The following FREM3 variants were observed in gnomAD, a reference collection of about 807,000 sequenced individuals.
The protein encoded by FREM3 is FRAS1 related extracellular matrix 3.
Under a neutral mutation model 129.1 loss-of-function variants are expected in FREM3, and 105 were observed. That is an observed-to-expected ratio of 0.81 (90% CI 0.69 to 0.96). The LOEUF (loss-of-function observed/expected upper bound fraction) is 0.96, where lower values mean the gene tolerates loss of function less well. FREM3 is among the 40% of genes least tolerant of loss of function. The pLI, the probability that FREM3 is intolerant of heterozygous loss-of-function variation, is 0.00. For synonymous variants in FREM3, 1,014 were observed against 1,044.9 expected (o/e 0.97, Z 0.57); for missense variants, 2,593 against 2,666.3 (o/e 0.97, Z 0.61).
chr4:143,579,327 C>T (rs1738094133), intron 7 of FREM3, among the ~76,000 whole-genome samples: 1 of 152,078 alleles, frequency 6.6e-6, no homozygotes. Context: ...GTGGTGAGTG[C>T]CTGTAGTCAC....
chr4:143,598,827 C>T (rs1255350623), intron 6 of FREM3, among the ~76,000 whole-genome samples: 2 of 152,232 alleles, frequency 1.3e-5, no homozygotes, highest in East Asian at 3.9e-4. Context: ...ACATGCTGTA[C>T]AGATGTGTAG....
rs1239868845 is a variant in FREM3 at position 143,699,322 on chromosome 4, A to G, written c.1354T>C (p.Ser452Pro). 5 of 1,537,156 alleles carry G rather than the reference A, an allele frequency of 3.3e-6. No individual in the cohort carries two copies. The highest frequency in any genetic ancestry group is 3.5e-6 in the Non-Finnish European group (4 of 1,146,926). Reference sequence around the variant, plus strand: ...CTGATAGGAATGCTGTGGGTGCTGGACAAGGGCCTTGACTGACCTTCAAAA... The same window carrying G: ...CTGATAGGAATGCTGTGGGTGCTGGGCAAGGGCCTTGACTGACCTTCAAAA... ...VLFEGQSRPLSSTHSIPISDK... is the reference protein window; with the variant it reads ...VLFEGQSRPLPSTHSIPISDK... Residue 452 changes from serine to proline, a missense_variant, in exon 1 of 8, where the codon TCC becomes CCC. By Grantham distance (74) the Ser-to-Pro change is moderately conservative (BLOSUM62 -1). Around this residue, in one of 2 missense-constraint regions of FREM3, gnomAD observed 2,276 missense variants for 2,267.2 expected, o/e 1.00. Transcript: ENST00000329798. This position sits in a 1 kb window ranked among gnomAD's most constrained non-coding sequence, Gnocchi z 4.2.
rs189166692 is a variant in FREM3 at position 143,678,323 on chromosome 4, T to C, written c.5275+14790A>G. 4.6e-5 allele frequency among the ~76,000 whole-genome samples: 7 copies of C among 151,612 alleles called. No individual in the cohort carries two copies. The East Asian group carries it at 1.2e-3, about 25-fold the overall frequency. ...ACCAAACACCGCATGTTCTCACTCA[T>C]AGATGGGAATTGAACAATGAGAACA... On this transcript the variant is annotated intron_variant, in intron 2 of 7. Transcript: ENST00000329798.
intron 2 of FREM3, among the ~76,000 whole-genome samples, chr4:143,635,045 G>A (rs1367328694): frequency 6.6e-6 from 1 of 152,134 alleles, no homozygotes; most frequent in Non-Finnish European, 1.5e-5. Context: ...ATAAATAAGA[G>A]TGCAGATTCT....
intron 2 of FREM3, among the ~76,000 whole-genome samples, chr4:143,651,790 C>G (rs1015864904): frequency 6.6e-6 from 1 of 152,142 alleles, no homozygotes. Flanking sequence ...GTCATTTATA[C>G]TTCTTAACAG....
At position 143,627,714 on chromosome 4, in the gene FREM3, C is replaced by G; in HGVS notation, c.5322G>C (p.Trp1774Cys). The G allele has an allele frequency of 6.5e-7, 1 of 1,535,674 alleles. No homozygotes were observed. The change falls in exon 3 of 8, where the codon TGG becomes TGC. Residue 1774 changes from tryptophan (W) to cysteine (C), a missense_variant. Trp to Cys is a radical substitution (Grantham distance 215). Coordinates refer to ENST00000329798, the MANE Select transcript of FREM3 (RefSeq NM_001168235.2). The stretch of plus-strand genomic sequence containing the variant: ...TGTAGTACTCTTTCTCCAAACAAAT[C>G]CAAGCCCAGTTTAGATGGAAAGGCT... Reference protein sequence around the residue: ...TNQPFHLNWAWICLEKEYYIV... With the variant: ...TNQPFHLNWACICLEKEYYIV...
chr4:143,601,035 A>C (rs1188466561), intron 6 of FREM3, among the ~76,000 whole-genome samples: 1 of 151,934 alleles, frequency 6.6e-6, no homozygotes, highest in Non-Finnish European at 1.5e-5. Flanking sequence ...AAACTAAAAA[A>C]TAAGATCCAA....
At chr4:143,682,586 C>CTT in intron 2 of FREM3, among the ~76,000 whole-genome samples, 1 of 152,290 alleles carries the variant, frequency 6.6e-6, no homozygotes, top group African/African-American at 2.4e-5. Flanking sequence ...TAAATCCCTG[C>CTT]TTTTGTTCTT....
At chr4:143,580,232 T>C (rs914276919) in intron 7 of FREM3, among the ~76,000 whole-genome samples, 1 of 151,500 alleles carries the variant, frequency 6.6e-6, no homozygotes, top group Non-Finnish European at 1.5e-5. Flanking sequence ...GGTGGACAGG[T>C]TGAGATTCAT....
At chr4:143,593,336 C>G (rs1738401341) in intron 6 of FREM3, among the ~76,000 whole-genome samples, 1 of 152,174 alleles carries the variant, frequency 6.6e-6, no homozygotes, top group Non-Finnish European at 1.5e-5. Context: ...TCTGGTTTTT[C>G]TGCTCTGTTT....
rs1043830264 is a variant in FREM3, at chr4:143,698,452, A to G, written c.2224T>C (p.Tyr742His). 3.9e-6 allele frequency: 6 copies of G among 1,537,698 alleles called. No homozygotes were observed. The highest frequency in any genetic ancestry group is 2.7e-5 in the African/African-American group (2 of 73,006). ...TCAGTCGGGAGTGTCAGTAGGGTGT[A>G]CCATAGGTTCTGGTCATCAGAGTCC... ...DQDSDDQNLW[Y>H]TLLTLPTDTD... The change falls in exon 1 of 8, where the codon TAC becomes CAC. Residue 742 changes from tyrosine to histidine, a missense_variant. Tyr to His is a moderately conservative substitution (Grantham distance 83). Transcript: ENST00000329798.
chr4:143,698,961 A>G lies in FREM3; in HGVS notation c.1715T>C (p.Ile572Thr), dbSNP rs554429148. 3.7e-5 allele frequency: 57 copies of G among 1,537,254 alleles called. 1 individual carries two copies. The South Asian group carries it at 4.4e-4, about 12-fold the overall frequency. ...ISPFVLSATDIDSEDSTIHFV... is the reference protein window; with the variant it reads ...ISPFVLSATDTDSEDSTIHFV... ...GTGGATGGTTGAGTCCTCAGAGTCA[A>G]TATCAGTAGCACTCAGTACAAAGGG... is the stretch of plus-strand genomic sequence containing the variant. Residue 572 changes from isoleucine to threonine, a missense_variant, in exon 1 of 8, where the codon ATT becomes ACT. Physicochemically the swap from Ile to Thr is moderately conservative, Grantham distance 89. Coordinates refer to ENST00000329798, the MANE Select transcript of FREM3 (RefSeq NM_001168235.2).
chr4:143,687,937 C>T (rs1740397992), intron 2 of FREM3, among the ~76,000 whole-genome samples: 1 of 152,146 alleles, frequency 6.6e-6, no homozygotes, highest in African/African-American at 2.4e-5. Flanking sequence ...GAATCATTCC[C>T]TTCGAGAACT....
chr4:143,652,905 AG>A (rs1160014412), intron 2 of FREM3, among the ~76,000 whole-genome samples: 3 of 152,344 alleles, frequency 2.0e-5, no homozygotes, highest in Non-Finnish European at 4.4e-5. Flanking sequence ...CTAGGATTAT[AG>A]GCATGAGCCA....
Position 143,697,669 on chromosome 4 carries a change from G to A in FREM3, c.3007C>T (p.Pro1003Ser), listed in dbSNP as rs989821081. Reference sequence around the variant, plus strand: ...TCCTCTTGGGTGAATCGTTCTGTGGGCAAACCATTTACCAGAATAGTGCCC... The same window carrying A: ...TCCTCTTGGGTGAATCGTTCTGTGGACAAACCATTTACCAGAATAGTGCCC... ...KLGTILVNGL[P>S]TERFTQEDLI... The change falls in exon 1 of 8, where the codon CCC (proline) becomes TCC (serine). Residue 1003 changes from proline (P) to serine (S), a missense_variant. Physicochemically the swap from Pro to Ser is moderately conservative, Grantham distance 74 (BLOSUM62 -1). Transcript: ENST00000329798. 7 of 1,537,828 alleles carry A rather than the reference G, an allele frequency of 4.6e-6. No homozygotes were observed. The East Asian group carries it at 1.5e-4, about 32-fold the overall frequency.
At chr4:143,609,473 G>GA (rs1738719153) in intron 6 of FREM3, among the ~76,000 whole-genome samples, 1 of 148,596 alleles carries the variant, frequency 6.7e-6, no homozygotes, top group South Asian at 2.2e-4. Context: ...GGACTATGTA[G>GA]AAAATGTAAA....
At chr4:143,661,676 T>C (rs1015333555) in intron 2 of FREM3, among the ~76,000 whole-genome samples, 2 of 152,160 alleles carry the variant, frequency 1.3e-5, no homozygotes, top group Non-Finnish European at 2.9e-5. Flanking sequence ...ACCAGTTCCT[T>C]CTTATACCTC....
chr4:143,670,130 T>C (rs907421829), intron 2 of FREM3, among the ~76,000 whole-genome samples: 3 of 152,182 alleles, frequency 2.0e-5, no homozygotes, highest in East Asian at 3.8e-4. Context: ...TGTTTCTTCA[T>C]CTAAAAAATA....
At chr4:143,694,569 T>G (rs1202761523) in intron 1 of FREM3, among the ~76,000 whole-genome samples, 1 of 152,222 alleles carries the variant, frequency 6.6e-6, no homozygotes. Context: ...ACATATGATT[T>G]TATTGTTTAA....
Sources: gnomAD v4.1 joint callset for allele counts (sites outside exome capture counted in the v4.1 genomes callset) on GRCh38, gnomAD v4.1.1 for gene constraint, gnomAD v4.1.1 regional missense constraint, Gnocchi (gnomAD v3.1) non-coding constraint, MANE v1.5 for transcripts, NCBI Gene and HGNC (gene_info 2026-07-23, HGNC 2026-07-21) for gene names.